The following FBXL13 variants were observed in gnomAD, a reference collection of about 807,000 sequenced individuals.
FBXL13 encodes F-box and leucine-rich repeat protein 13.
In FBXL13, 67 loss-of-function variants were observed where a neutral mutation model predicts 83.6. The observed-to-expected ratio is 0.80, with a 90% CI of 0.66 to 0.98. FBXL13 has a LOEUF of 0.98. FBXL13 is among the 50% of genes least tolerant of loss of function. The pLI, the probability that FBXL13 is intolerant of heterozygous loss-of-function variation, is 0.00. For missense variants in FBXL13, 822 were observed against 866.5 expected, an observed-to-expected ratio of 0.95 and a Z score of 0.64; for synonymous variants, 272 against 299.5, an observed-to-expected ratio of 0.91 and a Z score of 0.95.
chr7:102,868,078 C>T (rs926388977), intron 16 of FBXL13, among the ~76,000 whole-genome samples: 1 of 152,124 alleles, frequency 6.6e-6, no homozygotes, highest in South Asian at 2.1e-4. Context: ...GATGTTTCAA[C>T]ACATGTAGAC....
chr7:103,012,990 T>C lies in FBXL13; in HGVS notation c.495+12073A>G, dbSNP rs538303594. On this transcript the variant is annotated intron_variant, in intron 6 of 19. Transcript: ENST00000313221. ...GAAAACATAAAAAGGCAGGGGCTGC[T>C]ATTCTAATTCCATACAAAACAGACT... 2.0e-5 allele frequency among the ~76,000 whole-genome samples: 3 copies of C among 152,324 alleles called. No homozygotes were observed. The East Asian group carries it at 5.8e-4, about 29-fold the overall frequency.
chr7:102,939,039 C>A (rs1480348617), intron 8 of FBXL13, among the ~76,000 whole-genome samples: 2 of 152,196 alleles, frequency 1.3e-5, no homozygotes, highest in Admixed American at 1.3e-4. Context: ...CTTTAGCTTG[C>A]CCTAAAATGG....
rs139051886 is a variant in FBXL13, at chr7:102,879,439, ATGTGTGTGTG to A, written c.1389-999_1389-990del. On this transcript the variant is annotated intron_variant, in intron 14 of 19. Transcript: ENST00000313221. ...CCAGCACCTAGGAAAGCAGTTAAGG[ATGTGTGTGTG>A]TGTGTGTGTGTGTGTGTGTGTGTAG... Among the ~76,000 whole-genome samples the A allele has an allele frequency of 1.6e-4, 23 of 144,804 alleles. No individual in the cohort carries two copies. In the South Asian group the frequency reaches 4.1e-3, roughly 26 times the overall value. The allele number at this position is 144,804 out of a possible 152,430, so 95.0% of individuals were successfully genotyped here.
At chr7:103,049,860 T>C (rs1585556723) in intron 2 of FBXL13, among the ~76,000 whole-genome samples, 1 of 152,146 alleles carries the variant, frequency 6.6e-6, no homozygotes, top group East Asian at 1.9e-4. Context: ...TTCAAGACAG[T>C]TGGTGGAGGG....
chr7:102,967,936 G>A (rs1826170567), intron 7 of FBXL13, 86 bp downstream of exon 8: 2 of 948,730 alleles, frequency 2.1e-6, no homozygotes, highest in East Asian at 5.0e-5. Context: ...CATGGAAGAA[G>A]GTGTCCCCAC....
intron 6 of FBXL13, chr7:102,975,952 C>T (rs879934173): frequency 3.9e-6 from 3 of 765,486 alleles, no homozygotes; most frequent in Admixed American, 1.7e-5. Context: ...CCACCTCCAC[C>T]TGGTGCCTGC....
At chr7:102,840,771 C>G (rs938188764) in intron 17 of FBXL13, among the ~76,000 whole-genome samples, 11 of 152,022 alleles carry the variant, frequency 7.2e-5, no homozygotes, top group African/African-American at 2.7e-4. Flanking sequence ...ATCTATGTGA[C>G]CAGGAACAAG....
chr7:102,870,704 G>C (rs1165283032), intron 16 of FBXL13, among the ~76,000 whole-genome samples: 5 of 152,120 alleles, frequency 3.3e-5, no homozygotes, highest in African/African-American at 1.2e-4. Context: ...GGCATGAGGT[G>C]GTCCTGGAGT....
At chr7:103,062,974 T>G (rs1798064665) in intron 1 of FBXL13, among the ~76,000 whole-genome samples, 1 of 152,192 alleles carries the variant, frequency 6.6e-6, no homozygotes, top group Non-Finnish European at 1.5e-5. Context: ...CTCTTGCTGT[T>G]CCCCAGGAGA....
intron 14 of FBXL13, among the ~76,000 whole-genome samples, chr7:102,880,952 A>C (rs531139247): frequency 2.0e-5 from 3 of 152,326 alleles, no homozygotes; most frequent in Admixed American, 2.0e-4. Context: ...TTTGCTGGCT[A>C]TTCACTATTC....
At chr7:102,936,758 T>G (rs1820383418) in intron 8 of FBXL13, among the ~76,000 whole-genome samples, 1 of 152,218 alleles carries the variant, frequency 6.6e-6, no homozygotes, top group South Asian at 2.1e-4. Context: ...GTTTATTAAT[T>G]ATCTGAGAAA....
chr7:102,942,868 GA>G (rs1189891736), intron 8 of FBXL13, among the ~76,000 whole-genome samples: 1 of 152,154 alleles, frequency 6.6e-6, no homozygotes, highest in African/African-American at 2.4e-5. Flanking sequence ...AAACAATAAT[GA>G]GATAATGTTT....
At chr7:102,938,927 T>A (rs963459423) in intron 8 of FBXL13, among the ~76,000 whole-genome samples, 2 of 152,234 alleles carry the variant, frequency 1.3e-5, no homozygotes, top group African/African-American at 4.8e-5. Flanking sequence ...CTGCAGTTTA[T>A]ATTCTTTTTC....
At chr7:102,839,083 C>G (rs1178378312) in intron 17 of FBXL13, among the ~76,000 whole-genome samples, 1 of 152,254 alleles carries the variant, frequency 6.6e-6, no homozygotes, top group Non-Finnish European at 1.5e-5. Context: ...AGGAGAAAAA[C>G]CGCCCTATGG....
chr7:103,066,630 T>A (rs889105505), intron 1 of FBXL13, among the ~76,000 whole-genome samples: 1 of 151,926 alleles, frequency 6.6e-6, no homozygotes, highest in South Asian at 2.1e-4. Context: ...CCTGACCTCA[T>A]GATCCACCCG....
At chr7:102,980,259 C>A (rs906481940) in intron 6 of FBXL13, among the ~76,000 whole-genome samples, 1 of 152,136 alleles carries the variant, frequency 6.6e-6, no homozygotes, top group Non-Finnish European at 1.5e-5. Context: ...ACAGGATAGA[C>A]ATATAGACCA....
At chr7:102,972,492 T>C (rs1826822911) in intron 6 of FBXL13, among the ~76,000 whole-genome samples, 1 of 152,072 alleles carries the variant, frequency 6.6e-6, no homozygotes, top group Middle Eastern at 3.2e-3. Flanking sequence ...ATAGAATGTA[T>C]ATCATCTAAA....
At position 102,813,462 on chromosome 7, in the gene FBXL13, C is replaced by T. The variant is rs995935155; in HGVS notation, c.2088G>A (p.Trp696Ter). 1.2e-6 allele frequency: 2 copies of T among 1,614,014 alleles called. No homozygotes were observed. Among genetic ancestry groups the T allele is most frequent in the Non-Finnish European group, 1.7e-6 (2 of 1,180,030 alleles). The change falls in exon 20 of 20, where the codon TGG becomes TGA. Residue 696 changes from tryptophan (W) to a stop codon, truncating the protein, a stop_gained. Coordinates refer to ENST00000313221, the Ensembl canonical transcript of FBXL13. LOFTEE classifies it low-confidence loss of function (END_TRUNC). ...GGTTTCCTTCCCTATCATAGCCAAA[C>T]CAACGTGGAGGGTCATTAGTGTTGT...
chr7:102,880,584 T>G lies in FBXL13; in HGVS notation c.1389-2134A>C, dbSNP rs575481525. Among the ~76,000 whole-genome samples, 4 of 152,356 alleles carry G rather than the reference T, an allele frequency of 2.6e-5. No individual in the cohort carries two copies. In the East Asian group the frequency reaches 7.7e-4, roughly 29 times the overall value. The stretch of plus-strand genomic sequence containing the variant: ...TTTATTTCTTCAAACATTTCATACA[T>G]GTTTACTTAACAATCCATGTCTGAC... On this transcript the variant is annotated intron_variant, in intron 14 of 19. Transcript: ENST00000313221.
Sources: allele counts gnomAD v4.1 joint callset (sites outside exome capture counted in the v4.1 genomes callset), GRCh38; gene constraint gnomAD v4.1.1; transcripts MANE v1.5; gene names NCBI Gene and HGNC (gene_info 2026-07-23, HGNC 2026-07-21).